The following KCTD16 variants were observed in gnomAD, a reference collection of about 807,000 sequenced individuals.
KCTD16 encodes the protein potassium channel tetramerization domain containing 16.
In KCTD16, 13 loss-of-function variants were observed where a neutral mutation model predicts 33.2. The observed-to-expected ratio is 0.39, with a 90% CI of 0.25 to 0.62. KCTD16 has a LOEUF of 0.62. Among genes scored for constraint, KCTD16 ranks in the 20% least tolerant of loss-of-function variants. The pLI is 0.50. For synonymous variants in KCTD16, 197 were observed against 195.3 expected (o/e 1.01, Z -0.07); for missense variants, 441 against 525.1 (o/e 0.84, Z 1.57).
chr5:144,421,930 A>G (rs903682606), intron 3 of KCTD16, among the ~76,000 whole-genome samples: 22 of 152,126 alleles, frequency 1.4e-4, no homozygotes, highest in African/African-American at 4.6e-4. Context: ...ACTAAAAGGC[A>G]TGGGATGTTG....
chr5:144,448,409 T>C (rs938461440), intron 3 of KCTD16, among the ~76,000 whole-genome samples: 7 of 152,110 alleles, frequency 4.6e-5, no homozygotes, highest in African/African-American at 1.7e-4. Context: ...TCTGGTTACC[T>C]CTGTGTGTTC....
At chr5:144,415,550 T>C (rs1037456974) in intron 3 of KCTD16, among the ~76,000 whole-genome samples, 1 of 152,092 alleles carries the variant, frequency 6.6e-6, no homozygotes, top group African/African-American at 2.4e-5. Context: ...TCTCTATCAC[T>C]TGCAACATAA....
chr5:144,339,947 T>C (rs1221998870), intron 3 of KCTD16, among the ~76,000 whole-genome samples: 1 of 152,206 alleles, frequency 6.6e-6, no homozygotes, highest in Non-Finnish European at 1.5e-5. Context: ...TGCTTGTCAC[T>C]GCTGCCCTTT....
At chr5:144,220,372 T>C (rs1234184632) in intron 3 of KCTD16, among the ~76,000 whole-genome samples, 3 of 152,216 alleles carry the variant, frequency 2.0e-5, no homozygotes, top group Non-Finnish European at 2.9e-5. Context: ...CCTCTATATA[T>C]GAACTGTAAG....
intron 3 of KCTD16, among the ~76,000 whole-genome samples, chr5:144,258,193 C>G (rs1249233262): frequency 1.3e-5 from 2 of 152,078 alleles, no homozygotes; most frequent in Non-Finnish European, 2.9e-5. Flanking sequence ...TATATAAAGA[C>G]AGTGTCCTAC....
rs150878721 is a variant in KCTD16 at position 144,284,866 on chromosome 5, A to G, written c.832+77320A>G. Reference sequence around the variant, plus strand: ...TATGGAAGCCTCTTTTTCCTCTTCTAAAACTCTCACCATAAACTGGTTTCC... The same window carrying G: ...TATGGAAGCCTCTTTTTCCTCTTCTGAAACTCTCACCATAAACTGGTTTCC... On this transcript the variant is annotated intron_variant, in intron 3 of 3. Coordinates refer to ENST00000512467, the MANE Select transcript of KCTD16 (RefSeq NM_020768.4). Among the ~76,000 whole-genome samples the G allele has an allele frequency of 4.4e-3, 675 of 152,326 alleles. 6 individuals are homozygous for G. Among genetic ancestry groups the G allele is most frequent in the African/African-American group, 0.016 (646 of 41,572 alleles).
intron 3 of KCTD16, among the ~76,000 whole-genome samples, chr5:144,457,369 T>C (rs1754089402): frequency 6.6e-6 from 1 of 152,166 alleles, no homozygotes; most frequent in Non-Finnish European, 1.5e-5. Context: ...GGTGGTGGCC[T>C]CTAGGGGCAC....
chr5:144,369,655 A>C (rs192085738), intron 3 of KCTD16, among the ~76,000 whole-genome samples: 1 of 152,290 alleles, frequency 6.6e-6, no homozygotes, highest in Admixed American at 6.5e-5. Flanking sequence ...TCTGAAATAC[A>C]CATTGTTATA....
intron 3 of KCTD16, among the ~76,000 whole-genome samples, chr5:144,443,549 A>C (rs575078511): frequency 4.1e-4 from 62 of 152,130 alleles, no homozygotes; most frequent in African/African-American, 1.3e-3. Flanking sequence ...AGTATAGTAT[A>C]TATAAGAAAG....
chr5:144,192,936 T>C (rs775663034), intron 2 of KCTD16, among the ~76,000 whole-genome samples: 3 of 152,170 alleles, frequency 2.0e-5, no homozygotes, highest in Non-Finnish European at 4.4e-5. Context: ...ATGGCATCTT[T>C]AGAAAGAGGA....
intron 3 of KCTD16, among the ~76,000 whole-genome samples, chr5:144,366,832 C>T (rs776072677): frequency 2.8e-4 from 42 of 152,178 alleles, no homozygotes; most frequent in Non-Finnish European, 5.7e-4. Flanking sequence ...TGGATGATGC[C>T]GATCAGATCC....
intron 3 of KCTD16, among the ~76,000 whole-genome samples, chr5:144,208,457 T>A (rs1191724298): frequency 6.6e-6 from 1 of 152,156 alleles, no homozygotes; most frequent in Non-Finnish European, 1.5e-5. Context: ...AGGAAAAGAG[T>A]AAATCAGCCT....
chr5:144,448,582 T>A (rs183923182), intron 3 of KCTD16, among the ~76,000 whole-genome samples: 392 of 152,204 alleles, frequency 2.6e-3, no homozygotes, highest in African/African-American at 9.2e-3. Context: ...TTGGCTTGGT[T>A]CTGGTATTGC....
intron 3 of KCTD16, among the ~76,000 whole-genome samples, chr5:144,387,044 G>GC (rs1188708028): frequency 6.6e-6 from 1 of 151,698 alleles, no homozygotes; most frequent in Non-Finnish European, 1.5e-5. Context: ...ATGGCTCACT[G>GC]CAGCCTCAGT....
chr5:144,243,459 T>C (rs933188496), intron 3 of KCTD16, among the ~76,000 whole-genome samples: 1 of 152,204 alleles, frequency 6.6e-6, no homozygotes, highest in Admixed American at 6.5e-5. Context: ...ATGACCTTAT[T>C]ATTTGGATCC....
At chr5:144,257,127 G>A (rs1237166078) in intron 3 of KCTD16, among the ~76,000 whole-genome samples, 1 of 152,026 alleles carries the variant, frequency 6.6e-6, no homozygotes. Context: ...CTACTAACTG[G>A]TGAGTTTCTA....
chr5:144,387,375 T>C (rs1263844707), intron 3 of KCTD16, among the ~76,000 whole-genome samples: 2 of 152,082 alleles, frequency 1.3e-5, no homozygotes, highest in African/African-American at 2.4e-5. Context: ...AGCTCCTTTT[T>C]TGAGAAAAAA....
intron 3 of KCTD16, among the ~76,000 whole-genome samples, chr5:144,344,013 A>T (rs928051103): frequency 1.3e-5 from 2 of 152,144 alleles, no homozygotes; most frequent in African/African-American, 4.8e-5. Context: ...AAACAGAGAT[A>T]TAGATCAATG....
At chr5:144,256,961 A>G (rs1201955102) in intron 3 of KCTD16, among the ~76,000 whole-genome samples, 2 of 152,166 alleles carry the variant, frequency 1.3e-5, no homozygotes, top group Non-Finnish European at 2.9e-5. Flanking sequence ...TCTTTCTGAG[A>G]GGGGAGTAGT....
Sources: allele counts gnomAD v4.1 joint callset (sites outside exome capture counted in the v4.1 genomes callset), GRCh38; gene constraint gnomAD v4.1.1; transcripts MANE v1.5; gene names NCBI Gene and HGNC (gene_info 2026-07-23, HGNC 2026-07-21).